Variants in ZSCAN29 observed in about 807,000 individuals in gnomAD.
The protein encoded by ZSCAN29 is zinc finger and SCAN domain-containing protein 29.
A neutral mutation model predicts 71.9 loss-of-function variants in ZSCAN29; 55 were observed. That is an observed-to-expected ratio of 0.76 (90% CI 0.62 to 0.96). The LOEUF is 0.96. Among genes scored for constraint, ZSCAN29 ranks in the 40% least tolerant of loss-of-function variants. ZSCAN29 has a pLI of 0.00. For synonymous variants in ZSCAN29, 351 were observed against 371.6 expected (o/e 0.94, Z 0.64); for missense variants, 1,042 against 1,042.2 (o/e 1.00, Z 0.00).
In ZSCAN29 at chr15:43,361,871, C is replaced by T. The variant is rs138731321; in HGVS notation, c.1761G>A (p.Arg587=). The T allele has an allele frequency of 6.2e-7, 1 of 1,614,166 alleles. No homozygotes were observed. The highest frequency in any genetic ancestry group is 1.3e-5 in the African/African-American group (1 of 75,042). ...TCCTTTCAGATCTTGCAAGTAATGT[C>T]CTATGCAGTTGTACTTCCTCAGAAA... The part of the protein sequence containing the change: ...RDISEEVQLH[R]TLLARSERKI... The change falls in exon 6 of 6, where the codon AGG becomes AGA. Residue 587 remains arginine, a synonymous_variant. Coordinates refer to ENST00000684362, the MANE Select transcript of ZSCAN29 (RefSeq NM_001372080.1).
intron 4 of ZSCAN29, among the ~76,000 whole-genome samples, chr15:43,365,233 G>A (rs2044024319): frequency 6.6e-6 from 1 of 152,158 alleles, no homozygotes. Context: ...ACTGCTCAAG[G>A]TCGCCCAGTT....
At chr15:43,367,757 A>T (rs569636693) in intron 3 of ZSCAN29, among the ~76,000 whole-genome samples, 24 of 152,320 alleles carry the variant, frequency 1.6e-4, no homozygotes, top group African/African-American at 5.8e-4. Flanking sequence ...AGGTGTTCAA[A>T]AACTGATGAA....
Position 43,368,022 on chromosome 15 carries a change from T to G in ZSCAN29, c.523+901A>C, listed in dbSNP as rs201104519. On this transcript the variant is annotated intron_variant, in intron 3 of 5. Transcript: ENST00000684362. ...GGTATAAAGGCATTGGGGAAAGCTA[T>G]CAGAGTCCTGGAAGTTACCAGGTGA... 7.8e-3 allele frequency among the ~76,000 whole-genome samples: 1,194 copies of G among 152,296 alleles called. 24 individuals are homozygous for G. The highest frequency in any genetic ancestry group is 0.062 in the East Asian group (321 of 5,188).
rs550108073 is a variant in ZSCAN29 at position 43,361,460 on chromosome 15, A to G, written c.2172T>C (p.His724=). 43 of 1,613,412 alleles carry G rather than the reference A, an allele frequency of 2.7e-5. No individual in the cohort carries two copies. Among genetic ancestry groups the G allele is most frequent in the African/African-American group, 4.0e-5 (3 of 74,968 alleles). Residue 724 remains histidine (H), a synonymous_variant, in exon 6 of 6, where the codon CAT becomes CAC. Coordinates refer to ENST00000684362, the MANE Select transcript of ZSCAN29 (RefSeq NM_001372080.1). ...GTTTCTCTCCTGTGTGGATTCTCCT[A>G]TGGGTGATGAAATTTGAACTGTCAC... ...SFRDSSNFIT[H]RRIHTGEKPY...
In ZSCAN29 at chr15:43,360,663, C is replaced by T. The variant is rs2142722890; in HGVS notation, c.*410G>A. 6.1e-6 allele frequency: 1 copy of T among 163,058 alleles called. No individual in the cohort carries two copies. The highest frequency in any genetic ancestry group is 1.7e-4 in the East Asian group (1 of 5,906). The allele number at this position is 163,058 out of a possible 1,614,324, so 10.1% of individuals were successfully genotyped here. Reference sequence around the variant, plus strand: ...AAAAAAAAAAAAAGAGCTAGACCCACCTAATGGGCAAAGTCTCATAACTTC... The same window carrying T: ...AAAAAAAAAAAAAGAGCTAGACCCATCTAATGGGCAAAGTCTCATAACTTC... On this transcript the variant is annotated 3_prime_UTR_variant, in exon 6 of 6. Coordinates refer to ENST00000684362, the MANE Select transcript of ZSCAN29 (RefSeq NM_001372080.1).
At position 43,370,975 on chromosome 15, in the gene ZSCAN29, A is replaced by ACCCCGGCCCCGG. The variant is rs11279953; in HGVS notation, c.-542_-531dup. ...CTCACCCACTCGGGGTCCGACCCTG[A>ACCCCGGCCCCGG]CCCCGGCCCCGGCCCCGGCCCCGGC... On this transcript the variant is annotated 5_prime_UTR_variant, in exon 1 of 6. Transcript: ENST00000684362. 0.24 allele frequency: 63,073 copies of ACCCCGGCCCCGG among 258,996 alleles called. 9,315 individuals are homozygous for ACCCCGGCCCCGG. The highest frequency in any genetic ancestry group is 0.35 in the Admixed American group (7,225 of 20,502). 16.0% of individuals were successfully genotyped at this position (258,996 alleles called of 1,614,324 possible).
In ZSCAN29 at chr15:43,364,324, C is replaced by G; in HGVS notation, c.1281G>C (p.Gln427His). Residue 427 changes from glutamine to histidine, a missense_variant, in exon 5 of 6, where the codon CAG becomes CAC. Gln to His is a conservative substitution (Grantham distance 24, BLOSUM62 0). Coordinates refer to ENST00000684362, the MANE Select transcript of ZSCAN29 (RefSeq NM_001372080.1). ...GACAGTTCCGGAGGGCTTCATAAAACTGGGTCTCACTAAGAATTGCAAGGT... is the reference window on the plus strand; with the variant it reads ...GACAGTTCCGGAGGGCTTCATAAAAGTGGGTCTCACTAAGAATTGCAAGGT... ...KTYLAILSET[Q>H]FYEALRNCHR... 1 of 1,614,180 alleles carries G rather than the reference C, an allele frequency of 6.2e-7. No homozygotes were observed. The highest frequency in any genetic ancestry group is 1.1e-5 in the South Asian group (1 of 91,082).
rs745438331 is a variant in ZSCAN29, at chr15:43,363,946, G to T, written c.1659C>A (p.Thr553=). Residue 553 remains threonine, a synonymous_variant, in exon 5 of 6, where the codon ACC becomes ACA. Transcript: ENST00000684362. The stretch of plus-strand genomic sequence containing the variant: ...GGCTTTGGAATAACACTGGAGCACG[G>T]GTTATGACAGCCCCTGGGGGTATCT... ...DTEIPPGAVI[T]RAPVLFQSPR... is the part of the protein sequence containing the mutation. 3 of 1,611,896 alleles carry T rather than the reference G, an allele frequency of 1.9e-6. No individual in the cohort carries two copies. The highest frequency in any genetic ancestry group is 2.5e-6 in the Non-Finnish European group (3 of 1,178,440).
intron 4 of ZSCAN29, 104 bp from the exon 5 acceptor site, chr15:43,364,486 T>C (rs1458165337): frequency 1.7e-5 from 18 of 1,077,098 alleles, no homozygotes; most frequent in Non-Finnish European, 2.5e-5. Flanking sequence ...AAGCTCAGGC[T>C]CCTAGATGAA....
Position 43,369,872 on chromosome 15 carries a change from A to C in ZSCAN29, c.42T>G (p.Ser14=), listed in dbSNP as rs780754241. The change falls in exon 2 of 6, where the codon TCT becomes TCG. Residue 14 remains serine, a synonymous_variant. Coordinates refer to ENST00000684362, the MANE Select transcript of ZSCAN29 (RefSeq NM_001372080.1). Reference sequence around the variant, plus strand: ...TCCTGAAACGCTGTCGGAAGGTCTCAGAGTTAGTGCCATTCTCTCTTAGAG... The same window carrying C: ...TCCTGAAACGCTGTCGGAAGGTCTCCGAGTTAGTGCCATTCTCTCTTAGAG... ...KSALRENGTN[S]ETFRQRFRRF... 6.8e-6 allele frequency: 11 copies of C among 1,611,904 alleles called. No individual in the cohort carries two copies. The highest frequency in any genetic ancestry group is 1.6e-4 in the Middle Eastern group (1 of 6,084).
At position 43,369,174 on chromosome 15, in the gene ZSCAN29, G is replaced by A. The variant is rs572429991; in HGVS notation, c.319-47C>T. The A allele has an allele frequency of 1.1e-5, 17 of 1,499,388 alleles. No homozygotes were observed. In the East Asian group the frequency reaches 3.2e-4, roughly 29 times the overall value. The allele number at this position is 1,499,388 out of a possible 1,614,324, so 92.9% of individuals were successfully genotyped here. The stretch of plus-strand genomic sequence containing the variant: ...TGTCACTGCAAGATCATAATGAGGG[G>A]CATTCCCAGAGGAGAGTATTTAATA... On this transcript the variant is annotated intron_variant, in intron 2 of 5. Transcript: ENST00000684362.
chr15:43,369,116 A>G lies in ZSCAN29; in HGVS notation c.330T>C (p.Ser110=). The change falls in exon 3 of 6, where the codon TCT becomes TCC. Residue 110 remains serine, a synonymous_variant. Coordinates refer to ENST00000684362, the MANE Select transcript of ZSCAN29 (RefSeq NM_001372080.1). ...PGRPRSSVTV[S]VKGQEVRLEK... ...CCAAGCGCACTTCCTGCCCCTTCAC[A>G]GAGACTGTGACCTAGAAACAACCCC... The G allele has an allele frequency of 6.4e-7, 1 of 1,572,724 alleles. No individual in the cohort carries two copies.
intron 3 of ZSCAN29, among the ~76,000 whole-genome samples, chr15:43,368,716 A>C (rs2044064319): frequency 6.6e-6 from 1 of 152,212 alleles, no homozygotes; most frequent in Non-Finnish European, 1.5e-5. Context: ...AAATAAAATA[A>C]TTCCAAGTTC....
rs1566882647 is a variant in ZSCAN29 at position 43,363,917 on chromosome 15, CG to C, written c.1687del (p.Arg563ValfsTer66). ...TRAPVLFQSP[R>X]GFEAGFENED... ...CCATAATAGTGAAATAATCTTACCA[CG>C]GGGGCTTTGGAATAACACTGGAGCA... is the stretch of plus-strand genomic sequence containing the variant. On this transcript the variant is annotated frameshift_variant, in exon 5 of 6. Coordinates refer to ENST00000684362, the MANE Select transcript of ZSCAN29 (RefSeq NM_001372080.1). LOFTEE classifies it high-confidence loss of function. 1 of 1,587,538 alleles carries C rather than the reference CG, an allele frequency of 6.3e-7. No homozygotes were observed. Among genetic ancestry groups the C allele is most frequent in the South Asian group, 1.1e-5 (1 of 88,916 alleles).
rs1359529853 is a variant in ZSCAN29 at position 43,369,620 on chromosome 15, T to G, written c.294A>C (p.Arg98Ser). 7 of 1,613,292 alleles carry G rather than the reference T, an allele frequency of 4.3e-6. 1 individual carries two copies. Reference protein sequence around the residue: ...EAVTLVEDLEREPGRPRSSVT... With the variant: ...EAVTLVEDLESEPGRPRSSVT... ...CCGAAGATCTAGGTCTTCCAGGCTC[T>G]CTTTCTAAATCTTCCACGAGAGTCA... Residue 98 changes from arginine (R) to serine (S), a missense_variant, in exon 2 of 6, where the codon AGA becomes AGC. Coordinates refer to ENST00000684362, the MANE Select transcript of ZSCAN29 (RefSeq NM_001372080.1).
In ZSCAN29 at chr15:43,366,260, C is replaced by T; in HGVS notation, c.1072G>A (p.Glu358Lys). Residue 358 changes from glutamate (E) to lysine (K), a missense_variant, in exon 4 of 6, where the codon GAG becomes AAG. Coordinates refer to ENST00000684362, the MANE Select transcript of ZSCAN29 (RefSeq NM_001372080.1). The part of the protein sequence containing the change: ...SHSGLVGSDA[E>K]TEEPGQRGWQ... ...CCCCTCTGCCCTGGCTCTTCAGTCT[C>T]AGCATCGCTGCCTACCAGGCCAGAG... 1.2e-6 allele frequency: 2 copies of T among 1,613,584 alleles called. No individual in the cohort carries two copies. The highest frequency in any genetic ancestry group is 1.7e-6 in the Non-Finnish European group (2 of 1,180,040).
At position 43,361,616 on chromosome 15, in the gene ZSCAN29, G is replaced by A. The variant is rs2043982440; in HGVS notation, c.2016C>T (p.His672=). ...PNSLLMHQVS[H]QVENPYKCAD... ...CACATTTATATGGATTTTCCACCTG[G>A]TGGGATACCTGATGCATGAGAAGGG... The change falls in exon 6 of 6, where the codon CAC becomes CAT. Residue 672 remains histidine, a synonymous_variant. Coordinates refer to ENST00000684362, the MANE Select transcript of ZSCAN29 (RefSeq NM_001372080.1). The A allele has an allele frequency of 6.2e-7, 1 of 1,614,166 alleles. No individual in the cohort carries two copies. The highest frequency in any genetic ancestry group is 8.5e-7 in the Non-Finnish European group (1 of 1,180,024).
chr15:43,361,403 G>T lies in ZSCAN29; in HGVS notation c.2229C>A (p.Phe743Leu). 6.2e-7 allele frequency: 1 copy of T among 1,614,184 alleles called. No individual in the cohort carries two copies. Among genetic ancestry groups the T allele is most frequent in the Non-Finnish European group, 8.5e-7 (1 of 1,180,022 alleles). ...PYQCGECGKC[F>L]NQSSSLIIHQ... Reference sequence around the variant, plus strand: ...GAATGATAAGGCTTGAGCTCTGATTGAAGCATTTCCCACACTCACCACATT... The same window carrying T: ...GAATGATAAGGCTTGAGCTCTGATTTAAGCATTTCCCACACTCACCACATT... Residue 743 changes from phenylalanine (F) to leucine (L), a missense_variant, in exon 6 of 6, where the codon TTC (phenylalanine) becomes TTA (leucine). Transcript: ENST00000684362.
At chr15:43,368,123 TC>T (rs1187811919) in intron 3 of ZSCAN29, among the ~76,000 whole-genome samples, 7 of 152,322 alleles carry the variant, frequency 4.6e-5, no homozygotes, top group South Asian at 2.1e-4. Flanking sequence ...TTACTTAGCT[TC>T]TAACAGACTT....
Sources: allele counts gnomAD v4.1 joint callset (sites outside exome capture counted in the v4.1 genomes callset), GRCh38; gene constraint gnomAD v4.1.1; transcripts MANE v1.5; gene names NCBI Gene and HGNC (gene_info 2026-07-23, HGNC 2026-07-21).